The following SDK1 variants were observed in gnomAD, a reference collection of about 807,000 sequenced individuals.
SDK1 encodes protein sidekick-1.
Under a neutral mutation model 245.5 loss-of-function variants are expected in SDK1, and 157 were observed. That is an observed-to-expected ratio of 0.64 (90% CI 0.56 to 0.73). The LOEUF is 0.73. SDK1 is among the 30% of genes least tolerant of loss of function. The probability of loss-of-function intolerance (pLI) is 0.00; values close to 1 mark genes in which losing one functional copy is unlikely to be tolerated. For missense variants in SDK1, 3,583 were observed against 3,002.3 expected, an observed-to-expected ratio of 1.19 and a Z score of -4.52; for synonymous variants, 1,647 against 1,278.5, an observed-to-expected ratio of 1.29 and a Z score of -6.15.
chr7:3,618,646 A>G (rs1001248450), intron 1 of SDK1, among the ~76,000 whole-genome samples: 3 of 152,226 alleles, frequency 2.0e-5, no homozygotes, highest in Non-Finnish European at 4.4e-5. Context: ...TTATGTATGT[A>G]TGTCAATCTT....
intron 1 of SDK1, among the ~76,000 whole-genome samples, chr7:3,597,224 A>G (rs925624754): frequency 6.7e-6 from 1 of 149,354 alleles, no homozygotes; most frequent in African/African-American, 2.5e-5. Context: ...GTGAGCCCAG[A>G]TCGCGCCACT....
At chr7:4,206,051 G>T in intron 36 of SDK1, 57 bp downstream of exon 36, 3 of 1,174,040 alleles carry the variant, frequency 2.6e-6, no homozygotes, top group Non-Finnish European at 3.6e-6. Flanking sequence ...CCTCGTTCAC[G>T]TGGTCCTGCC....
intron 4 of SDK1, among the ~76,000 whole-genome samples, chr7:3,819,285 AG>A (rs1779587269): frequency 6.6e-6 from 1 of 152,026 alleles, no homozygotes; most frequent in African/African-American, 2.4e-5. Flanking sequence ...AAAAACTAAA[AG>A]AAAAAGATAA....
At chr7:3,670,018 TC>T (rs1783648375) in intron 4 of SDK1, among the ~76,000 whole-genome samples, 1 of 152,206 alleles carries the variant, frequency 6.6e-6, no homozygotes, top group Admixed American at 6.5e-5. Context: ...CACCAGTTTC[TC>T]TTATTGTACC....
At chr7:3,483,857 T>A (rs575776693) in intron 1 of SDK1, among the ~76,000 whole-genome samples, 2 of 152,366 alleles carry the variant, frequency 1.3e-5, no homozygotes, top group South Asian at 4.1e-4. Context: ...ATTAAAATGT[T>A]TATATATACG....
chr7:3,746,659 A>G (rs13230043), intron 4 of SDK1, among the ~76,000 whole-genome samples: 2,075 of 152,316 alleles, frequency 0.014, 24 homozygotes, highest in Non-Finnish European at 0.021. Flanking sequence ...GCTTATCCAT[A>G]AGAAATACCT....
chr7:3,622,087 G>C (rs775915340), intron 2 of SDK1, among the ~76,000 whole-genome samples: 1 of 152,130 alleles, frequency 6.6e-6, no homozygotes, highest in Non-Finnish European at 1.5e-5. Flanking sequence ...TATGAGGGTA[G>C]GTATGTTAAA....
At chr7:3,683,025 C>T (rs1040405686) in intron 4 of SDK1, among the ~76,000 whole-genome samples, 1 of 152,178 alleles carries the variant, frequency 6.6e-6, no homozygotes, top group African/African-American at 2.4e-5. Flanking sequence ...TGAGCTACCA[C>T]GCGCGGCCTG....
At chr7:4,116,951 A>C (rs952547301) in intron 25 of SDK1, among the ~76,000 whole-genome samples, 1 of 152,240 alleles carries the variant, frequency 6.6e-6, no homozygotes, top group Non-Finnish European at 1.5e-5. Flanking sequence ...TCCAAAGGAA[A>C]GGTGGAGACG....
chr7:3,887,961 CTGTTT>C, intron 5 of SDK1, among the ~76,000 whole-genome samples: 1 of 152,276 alleles, frequency 6.6e-6, no homozygotes, highest in Non-Finnish European at 1.5e-5. Context: ...GTCTGTCTGA[CTGTTT>C]TACAGAAAAA....
chr7:3,848,218 C>T (rs575079881), intron 5 of SDK1, among the ~76,000 whole-genome samples: 11 of 152,298 alleles, frequency 7.2e-5, no homozygotes, highest in Admixed American at 1.3e-4. Flanking sequence ...TAATTGGAAA[C>T]GCATCTCTTA....
chr7:3,793,984 C>G (rs1400596997), intron 4 of SDK1, among the ~76,000 whole-genome samples: 4 of 152,194 alleles, frequency 2.6e-5, no homozygotes, highest in South Asian at 4.1e-4. Context: ...AAGGGCACCT[C>G]CAACCCCCAC....
Position 3,301,653 on chromosome 7 carries a change from G to A in SDK1, c.67G>A (p.Ala23Thr), listed in dbSNP as rs987135008. Residue 23 changes from alanine (A) to threonine (T), a missense_variant, in exon 1 of 45, where the codon GCG becomes ACG. Ala to Thr is a moderately conservative substitution (Grantham distance 58, BLOSUM62 0). Transcript: ENST00000404826. Reference protein sequence around the residue: ...GGGGAEPPERAGPGRPRGSPP... With the variant: ...GGGGAEPPERTGPGRPRGSPP... ...CGGCGGCGCGGAGCCCCCTGAGCGC[G>A]CGGGCCCCGGGCGGCCGCGGGGATC... The A allele has an allele frequency of 3.5e-5, 34 of 976,948 alleles. No homozygotes were observed. Among genetic ancestry groups the A allele is most frequent in the Non-Finnish European group, 4.0e-5 (33 of 826,318 alleles). 60.5% of individuals were successfully genotyped at this position (976,948 alleles called of 1,614,324 possible).
chr7:3,693,705 G>A (rs1398395033), intron 4 of SDK1, among the ~76,000 whole-genome samples: 3 of 152,102 alleles, frequency 2.0e-5, no homozygotes, highest in Admixed American at 1.3e-4. Flanking sequence ...GTGCAAGATA[G>A]TGACAGGAGG....
intron 1 of SDK1, among the ~76,000 whole-genome samples, chr7:3,462,824 G>C (rs142074599): frequency 6.6e-6 from 1 of 152,116 alleles, no homozygotes; most frequent in Non-Finnish European, 1.5e-5. Flanking sequence ...ATCCATTGTG[G>C]TTCTTTCTAG....
At chr7:3,677,817 G>C (rs1311607964) in intron 4 of SDK1, among the ~76,000 whole-genome samples, 1 of 152,182 alleles carries the variant, frequency 6.6e-6, no homozygotes, top group Admixed American at 6.5e-5. Context: ...AGTGGATGGA[G>C]TAGAGAACCC....
intron 4 of SDK1, among the ~76,000 whole-genome samples, chr7:3,767,624 T>C (rs1780291254): frequency 6.6e-6 from 1 of 152,178 alleles, no homozygotes; most frequent in Admixed American, 6.5e-5. Context: ...TTTTCAGAGC[T>C]AGGTAATATC....
chr7:3,967,299 C>A lies in SDK1; in HGVS notation c.1430-19C>A, dbSNP rs776114412. The stretch of plus-strand genomic sequence containing the variant: ...CTCAGGAACAAGGCCCTGATCATTT[C>A]ATTTACTCCTCTTCTCAGATATCGC... On this transcript the variant is annotated intron_variant, in intron 9 of 44. Transcript: ENST00000404826. The A allele has an allele frequency of 6.9e-6, 11 of 1,588,832 alleles. No homozygotes were observed. In the Admixed American group the frequency reaches 1.5e-4, roughly 22 times the overall value.
intron 1 of SDK1, among the ~76,000 whole-genome samples, chr7:3,583,428 A>G (rs1751891393): frequency 6.6e-6 from 1 of 152,316 alleles, no homozygotes; most frequent in Middle Eastern, 3.4e-3. Context: ...GAACAGTATT[A>G]GAACACAAGG....
Sources: allele counts gnomAD v4.1 joint callset (sites outside exome capture counted in the v4.1 genomes callset), GRCh38; gene constraint gnomAD v4.1.1; transcripts MANE v1.5; gene names NCBI Gene and HGNC (gene_info 2026-07-23, HGNC 2026-07-21).